The following CEMIP2 variants were observed in gnomAD, a reference collection of about 807,000 sequenced individuals.
CEMIP2 encodes cell migration inducing hyaluronidase 2.
A neutral mutation model predicts 146.9 loss-of-function variants in CEMIP2; 79 were observed. That is an observed-to-expected ratio of 0.54 (90% confidence interval 0.45 to 0.65). The LOEUF (loss-of-function observed/expected upper bound fraction) is 0.65, where lower values mean the gene tolerates loss of function less well. CEMIP2 is among the 30% of genes least tolerant of loss of function. The probability of loss-of-function intolerance (pLI) is 0.00; values close to 1 mark genes in which losing one functional copy is unlikely to be tolerated. For synonymous variants in CEMIP2, 601 were observed against 606.3 expected (o/e 0.99, Z 0.13); for missense variants, 1,596 against 1,696.2 (o/e 0.94, Z 1.04).
intron 18 of CEMIP2, 97 bp downstream of exon 18, chr9:71,704,498 C>T (rs991520597): frequency 1.3e-5 from 18 of 1,365,094 alleles, no homozygotes; most frequent in Admixed American, 5.5e-5. Context: ...GTAAAATTGG[C>T]TTTCTTTGCT....
At chr9:71,693,462 A>G (rs1822295282) in intron 21 of CEMIP2, among the ~76,000 whole-genome samples, 1 of 152,216 alleles carries the variant, frequency 6.6e-6, no homozygotes, top group Admixed American at 6.5e-5. Context: ...TTGCATCTTC[A>G]TTTTCCTCAA....
In CEMIP2 at chr9:71,732,619, A is replaced by G. The variant is rs78367130; in HGVS notation, c.1394-99T>C. On this transcript the variant is annotated intron_variant, in intron 6 of 23. Coordinates refer to ENST00000377044, the MANE Select transcript of CEMIP2 (RefSeq NM_013390.3). ...CTCTTCATTCCATAACCCCAAGATG[A>G]TCCTGACAACTTATCATCTGCTCCC... 2.5e-3 allele frequency: 2,791 copies of G among 1,125,822 alleles called. 52 individuals are homozygous for G. The African/African-American group carries it at 0.041, about 17-fold the overall frequency. The allele number at this position is 1,125,822 out of a possible 1,614,324, so 69.7% of individuals were successfully genotyped here.
intron 22 of CEMIP2, among the ~76,000 whole-genome samples, chr9:71,689,128 A>G (rs1410480495): frequency 3.3e-5 from 5 of 152,198 alleles, no homozygotes; most frequent in Non-Finnish European, 5.9e-5. Flanking sequence ...TTTCAACATT[A>G]GGAAAAATCT....
intron 4 of CEMIP2, among the ~76,000 whole-genome samples, chr9:71,744,282 G>A (rs549539334): frequency 4.6e-5 from 7 of 152,264 alleles, no homozygotes; most frequent in South Asian, 4.1e-4. Context: ...GGCTGAGGTG[G>A]AAGTATCACT....
chr9:71,722,072 TGAGACTAAACATC>T (rs1261615306), intron 12 of CEMIP2, among the ~76,000 whole-genome samples: 2 of 152,220 alleles, frequency 1.3e-5, no homozygotes, highest in Non-Finnish European at 2.9e-5. Context: ...TTTTCAAGGA[TGAGACTAAACATC>T]TTAGTTTAAC....
intron 4 of CEMIP2, 118 bp downstream of exon 4, chr9:71,744,900 G>A: frequency 9.4e-7 from 1 of 1,065,108 alleles, no homozygotes; most frequent in Non-Finnish European, 1.4e-6. Context: ...CATGCAAATG[G>A]TAGAGTGGCC....
At chr9:71,735,830 C>T (rs1263210700) in intron 5 of CEMIP2, among the ~76,000 whole-genome samples, 3 of 152,184 alleles carry the variant, frequency 2.0e-5, no homozygotes, top group South Asian at 2.1e-4. Flanking sequence ...CAGTGGCTCA[C>T]GCCTATAATC....
intron 1 of CEMIP2, among the ~76,000 whole-genome samples, chr9:71,756,257 T>G (rs71505953): frequency 0.14 from 19,656 of 144,792 alleles, 1,621 homozygotes; most frequent in Admixed American, 0.18. Flanking sequence ...TATATATATA[T>G]GTATATATAC....
intron 14 of CEMIP2, 79 bp from the exon 15 acceptor site, chr9:71,715,168 T>C (rs1458309288): frequency 4.7e-6 from 7 of 1,491,512 alleles, no homozygotes; most frequent in Non-Finnish European, 6.3e-6. Flanking sequence ...ATGCTATAAC[T>C]GAAAAGCTAA....
At chr9:71,741,449 G>T (rs539495531) in intron 4 of CEMIP2, among the ~76,000 whole-genome samples, 1 of 151,350 alleles carries the variant, frequency 6.6e-6, no homozygotes, top group African/African-American at 2.4e-5. Flanking sequence ...AGCCTGCCTC[G>T]GCCTCCCAAA....
intron 4 of CEMIP2, among the ~76,000 whole-genome samples, chr9:71,741,511 T>C (rs1823914299): frequency 6.6e-6 from 1 of 151,858 alleles, no homozygotes; most frequent in South Asian, 2.1e-4. Context: ...TTTCTTAACG[T>C]TCCTAAATTA....
chr9:71,707,781 C>T (rs2131897809), intron 17 of CEMIP2, among the ~76,000 whole-genome samples: 1 of 152,344 alleles, frequency 6.6e-6, no homozygotes, highest in Admixed American at 6.5e-5. Flanking sequence ...GGCTTCTTTC[C>T]TGTCTTTAGG....
At chr9:71,741,631 G>GTTTTTTTTTTTTTTTTTTTTTTTTTT (rs11334265) in intron 4 of CEMIP2, among the ~76,000 whole-genome samples, 1 of 73,124 alleles carries the variant, frequency 1.4e-5, no homozygotes, top group Admixed American at 2.3e-4. Context: ...TTCTTTTCTG[G>GTTTTTTTTTTTTTTTTTTTTTTTTTT]TTTTTTTTTT....
intron 17 of CEMIP2, among the ~76,000 whole-genome samples, chr9:71,706,632 T>TA (rs1472254138): frequency 6.6e-6 from 1 of 152,202 alleles, no homozygotes; most frequent in Admixed American, 6.5e-5. Context: ...TGGTAATTTA[T>TA]AAAAGAGCTA....
At chr9:71,714,764 T>C (rs907451226) in intron 15 of CEMIP2, among the ~76,000 whole-genome samples, 170 bp downstream of exon 15, 1 of 152,194 alleles carries the variant, frequency 6.6e-6, no homozygotes, top group African/African-American at 2.4e-5. Flanking sequence ...ATAATAATTA[T>C]AATAGTAGTA....
chr9:71,702,661 T>A (rs190192926), intron 18 of CEMIP2, among the ~76,000 whole-genome samples: 1 of 152,220 alleles, frequency 6.6e-6, no homozygotes, highest in Admixed American at 6.5e-5. Flanking sequence ...AATGGCATTA[T>A]GACAAAATCT....
At chr9:71,765,501 G>A (rs1334889547) in intron 1 of CEMIP2, among the ~76,000 whole-genome samples, 1 of 152,190 alleles carries the variant, frequency 6.6e-6, no homozygotes, top group Non-Finnish European at 1.5e-5. Context: ...GCCAAGCCTT[G>A]TTTTAAATCC....
intron 5 of CEMIP2, among the ~76,000 whole-genome samples, chr9:71,738,213 A>G (rs1030706779): frequency 2.6e-5 from 4 of 152,174 alleles, no homozygotes; most frequent in African/African-American, 9.7e-5. Flanking sequence ...ATTAAGAAAC[A>G]TTCTTTTTTT....
chr9:71,715,192 A>G (rs1823011992), intron 14 of CEMIP2, 103 bp from the exon 15 acceptor site: 1 of 1,308,640 alleles, frequency 7.6e-7, no homozygotes, highest in African/African-American at 1.5e-5. Flanking sequence ...TTTTAAAAGA[A>G]GTCAATAGCT....
Sources: allele counts gnomAD v4.1 joint callset (sites outside exome capture counted in the v4.1 genomes callset), GRCh38; gene constraint gnomAD v4.1.1; transcripts MANE v1.5; gene names NCBI Gene and HGNC (gene_info 2026-07-23, HGNC 2026-07-21).